The following NTM variants were observed in gnomAD, a reference collection of about 807,000 sequenced individuals.
NTM encodes the protein IgLON family member 2.
In NTM, 13 loss-of-function variants were observed where a neutral mutation model predicts 42.1. The ratio of observed to expected loss-of-function variants is 0.31; its 90% CI spans 0.20 to 0.49. The LOEUF (loss-of-function observed/expected upper bound fraction) is 0.49. Ranked by LOEUF, NTM falls within the 20% of genes least tolerant of loss-of-function variation. NTM has a pLI of 0.99. For missense variants in NTM, 373 were observed against 452.8 expected (o/e 0.82, Z 1.60); for synonymous variants, 187 against 179.2 (o/e 1.04, Z -0.35).
chr11:132,275,403 C>T (rs1175945144), intron 4 of NTM, among the ~76,000 whole-genome samples: 1 of 151,890 alleles, frequency 6.6e-6, no homozygotes, highest in Non-Finnish European at 1.5e-5. Flanking sequence ...TATATCAATC[C>T]TTGTGCCAAT....
At chr11:131,690,156 A>G (rs1043034901) in intron 1 of NTM, among the ~76,000 whole-genome samples, 8 of 152,224 alleles carry the variant, frequency 5.3e-5, no homozygotes, top group African/African-American at 1.9e-4. Context: ...CCAAGATGGC[A>G]GAGAAGGCCT....
intron 4 of NTM, among the ~76,000 whole-genome samples, chr11:132,242,498 G>A (rs1010423302): frequency 3.3e-5 from 5 of 152,214 alleles, no homozygotes; most frequent in South Asian, 4.1e-4. Context: ...TCATTTGGGC[G>A]TCTCGCTAGT....
chr11:132,270,426 A>G (rs1410884018), intron 4 of NTM, among the ~76,000 whole-genome samples: 4 of 151,934 alleles, frequency 2.6e-5, no homozygotes, highest in Non-Finnish European at 5.9e-5. Flanking sequence ...ACGGGGTTTC[A>G]CCATGTTAGC....
At chr11:131,771,835 G>A (rs2086147407) in intron 1 of NTM, among the ~76,000 whole-genome samples, 1 of 152,106 alleles carries the variant, frequency 6.6e-6, no homozygotes, top group African/African-American at 2.4e-5. Context: ...CAGTCTATTG[G>A]TAGTAGTGTG....
chr11:132,137,064 C>T (rs577408397), intron 2 of NTM, among the ~76,000 whole-genome samples: 4 of 152,232 alleles, frequency 2.6e-5, no homozygotes, highest in South Asian at 2.1e-4. Context: ...TCAGTGTAAT[C>T]GCAAAAAGTG....
chr11:132,130,846 G>A (rs527718882), intron 2 of NTM, among the ~76,000 whole-genome samples: 8 of 152,294 alleles, frequency 5.3e-5, no homozygotes, highest in South Asian at 4.1e-4. Context: ...GGCTGAGGCC[G>A]CATAGACATT....
chr11:131,909,180 G>A (rs112751790), intron 1 of NTM, among the ~76,000 whole-genome samples: 9 of 152,318 alleles, frequency 5.9e-5, no homozygotes, highest in East Asian at 1.9e-4. Flanking sequence ...AAGGCAAGCC[G>A]TCTTAGTCTT....
intron 1 of NTM, among the ~76,000 whole-genome samples, chr11:131,475,357 A>G (rs1952819449): frequency 6.6e-6 from 1 of 152,080 alleles, no homozygotes. Flanking sequence ...AGAGGTTTCT[A>G]TATATTTTTC....
intron 3 of NTM, among the ~76,000 whole-genome samples, chr11:132,179,249 A>G (rs2138007854): frequency 6.6e-6 from 1 of 152,292 alleles, no homozygotes; most frequent in Middle Eastern, 3.4e-3. Flanking sequence ...GTCTAGATTT[A>G]AAGGGCTAAG....
At chr11:131,869,215 C>T (rs921653176) in intron 1 of NTM, among the ~76,000 whole-genome samples, 16 of 152,092 alleles carry the variant, frequency 1.1e-4, no homozygotes, top group South Asian at 2.1e-4. Flanking sequence ...GTTTATCTCC[C>T]GGGCCCTCTC....
intron 1 of NTM, among the ~76,000 whole-genome samples, chr11:131,381,428 G>A (rs1403462606): frequency 6.6e-6 from 1 of 152,190 alleles, no homozygotes; most frequent in South Asian, 2.1e-4. Context: ...TTTATAGTTG[G>A]ATAAACCATT....
At chr11:132,132,184 C>T (rs943615496) in intron 2 of NTM, among the ~76,000 whole-genome samples, 10 of 152,158 alleles carry the variant, frequency 6.6e-5, no homozygotes, top group Admixed American at 2.6e-4. Context: ...CCCCAATCCC[C>T]GTCAGGATCC....
At chr11:132,060,220 G>A (rs756171338) in intron 2 of NTM, among the ~76,000 whole-genome samples, 7 of 152,340 alleles carry the variant, frequency 4.6e-5, no homozygotes, top group East Asian at 1.9e-4. Context: ...CCTGGGCTTC[G>A]TTCTAGATTC....
chr11:131,789,648 G>GAAGAAGAAGAAGAAGAAGAA (rs2090526604), intron 1 of NTM, among the ~76,000 whole-genome samples: 1 of 134,966 alleles, frequency 7.4e-6, no homozygotes, highest in Non-Finnish European at 1.6e-5. Context: ...AGAAGAAGAA[G>GAAGAAGAAGAAGAAGAAGAA]AAGAAGAAGA....
chr11:131,378,440 T>C, intron 1 of NTM, among the ~76,000 whole-genome samples: 1 of 152,200 alleles, frequency 6.6e-6, no homozygotes, highest in East Asian at 1.9e-4. Flanking sequence ...AAGGTAAGAA[T>C]ATAAACAGCA....
At chr11:131,456,398 GTA>G (rs2136080924) in intron 1 of NTM, among the ~76,000 whole-genome samples, 1 of 152,256 alleles carries the variant, frequency 6.6e-6, no homozygotes, top group East Asian at 1.9e-4. Flanking sequence ...GACCCAATTT[GTA>G]TAATCAACAT....
intron 2 of NTM, among the ~76,000 whole-genome samples, chr11:132,054,329 C>T (rs760592641): frequency 2.1e-5 from 3 of 140,296 alleles, no homozygotes; most frequent in Non-Finnish European, 4.9e-5. Context: ...CCACAGGAGA[C>T]TCAGGATTAG....
chr11:131,560,684 CAAT>C (rs2056113137), intron 1 of NTM, among the ~76,000 whole-genome samples: 2 of 152,226 alleles, frequency 1.3e-5, no homozygotes, highest in African/African-American at 2.4e-5. Flanking sequence ...AAGGCCATCT[CAAT>C]AAGCACAACC....
chr11:131,988,196 CATTACTT>C (rs2066403864), intron 2 of NTM, among the ~76,000 whole-genome samples: 1 of 152,198 alleles, frequency 6.6e-6, no homozygotes, highest in South Asian at 2.1e-4. Flanking sequence ...GTTCCACACT[CATTACTT>C]AATAATTCCC....
Sources: allele counts gnomAD v4.1 joint callset (sites outside exome capture counted in the v4.1 genomes callset), GRCh38; gene constraint gnomAD v4.1.1; transcripts MANE v1.5; gene names NCBI Gene and HGNC (gene_info 2026-07-23, HGNC 2026-07-21).